ABTB1: variants seen among roughly 807,000 people sequenced by gnomAD.
The protein encoded by ABTB1 is ankyrin repeat and BTB domain containing 1.
In ABTB1, 45 loss-of-function variants were observed where a neutral mutation model predicts 57.1. That is an observed-to-expected ratio of 0.79 (90% CI 0.62 to 1.01). The LOEUF (loss-of-function observed/expected upper bound fraction) is 1.01, where lower values mean the gene tolerates loss of function less well. Among genes scored for constraint, ABTB1 ranks in the 50% least tolerant of loss-of-function variants. ABTB1 has a pLI of 0.00. For synonymous variants in ABTB1, 302 were observed against 275.4 expected, an observed-to-expected ratio of 1.10 and a Z score of -0.95; for missense variants, 630 against 666.3, an observed-to-expected ratio of 0.95 and a Z score of 0.60.
chr3:127,675,890 A>C (rs2074969058), intron 3 of ABTB1, 80 bp from the exon 4 acceptor site: 1 of 1,538,264 alleles, frequency 6.5e-7, no homozygotes, highest in Non-Finnish European at 8.9e-7. Context: ...CATGTGTGGG[A>C]AGGTGGGGAG....
intron 9 of ABTB1, 40 bp from the exon 10 acceptor site, chr3:127,677,636 G>A (rs769924757): frequency 6.8e-6 from 11 of 1,612,638 alleles, no homozygotes; most frequent in Non-Finnish European, 9.3e-6. Flanking sequence ...TCAGGAGACA[G>A]ACCCTGGCCC....
chr3:127,679,826 C>T (rs1479630917), intron 10 of ABTB1, 159 bp from the exon 11 acceptor site: 2 of 644,664 alleles, frequency 3.1e-6, no homozygotes, highest in Non-Finnish European at 2.7e-6. Flanking sequence ...TGGGCCAGCC[C>T]CCCGACCCCC....
Position 127,677,827 on chromosome 3 carries a change from A to G in ABTB1, c.1013A>G (p.Tyr338Cys), listed in dbSNP as rs776204462. The change falls in exon 10 of 12, where the codon TAC (tyrosine) becomes TGC (cysteine). Residue 338 changes from tyrosine to cysteine, a missense_variant. Around this residue, in one of 3 missense-constraint regions of ABTB1, gnomAD observed 579 missense variants for 585.9 expected, o/e 0.99. Transcript: ENST00000232744. ...TTCACTCACGTGCTCTACTACATGT[A>G]CAGCGACCACACTGAGGTGGGGGCT... ...DVFTHVLYYM[Y>C]SDHTELSPEA... 6.2e-7 allele frequency: 1 copy of G among 1,612,128 alleles called. No individual in the cohort carries two copies. Among genetic ancestry groups the G allele is most frequent in the Non-Finnish European group, 8.5e-7 (1 of 1,179,688 alleles).
At chr3:127,674,321 C>T in intron 1 of ABTB1, 70 bp from the exon 2 acceptor site, 4 of 1,556,524 alleles carry the variant, frequency 2.6e-6, no homozygotes, top group Non-Finnish European at 2.6e-6. Context: ...CTCTCCGTTC[C>T]TTTCCACGGG....
chr3:127,676,150 G>C lies in ABTB1; in HGVS notation c.320+36G>C. ...GCACACGAGGGGTGCAGCATGGGGT[G>C]CGGTGGCCCTGGTGGGTGTGGCGAG... On this transcript the variant is annotated intron_variant, in intron 4 of 11. Coordinates refer to ENST00000232744, the MANE Select transcript of ABTB1 (RefSeq NM_172027.3). This position sits in a 1 kb window ranked among gnomAD's most constrained non-coding sequence, Gnocchi z 5.4. 1 of 1,610,010 alleles carries C rather than the reference G, an allele frequency of 6.2e-7. No homozygotes were observed. The highest frequency in any genetic ancestry group is 8.5e-7 in the Non-Finnish European group (1 of 1,177,508).
chr3:127,677,788 T>C lies in ABTB1; in HGVS notation c.974T>C (p.Ile325Thr). Residue 325 changes from isoleucine to threonine, a missense_variant, in exon 10 of 12, where the codon ATC (isoleucine) becomes ACC (threonine). Physicochemically the swap from Ile to Thr is moderately conservative, Grantham distance 89. This residue lies in a region of ABTB1 where 579 missense variants were observed against 585.9 expected (regional missense o/e 0.99). Transcript: ENST00000232744. ...CCCCCAGCCGTCACCCTGCATGGCA[T>C]CTCACCCGACGTCTTCACTCACGTG... Reference protein sequence around the residue: ...GGPPAVTLHGISPDVFTHVLY... With the variant: ...GGPPAVTLHGTSPDVFTHVLY... 6.2e-7 allele frequency: 1 copy of C among 1,612,618 alleles called. No homozygotes were observed. The highest frequency in any genetic ancestry group is 1.3e-5 in the African/African-American group (1 of 75,008).
chr3:127,676,709 C>A lies in ABTB1; in HGVS notation c.526+128C>A. On this transcript the variant is annotated intron_variant, in intron 6 of 11. Coordinates refer to ENST00000232744, the MANE Select transcript of ABTB1 (RefSeq NM_172027.3). The surrounding 1 kb of genome is among the most constrained non-coding windows in gnomAD (Gnocchi z 5.4). ...CATGGTCCCCCCGGGGTGGTTCCAGCTGCCTCTCGGGTTGGGTTGCAAGAG... is the reference window on the plus strand; with the variant it reads ...CATGGTCCCCCCGGGGTGGTTCCAGATGCCTCTCGGGTTGGGTTGCAAGAG... 1 of 1,263,418 alleles carries A rather than the reference C, an allele frequency of 7.9e-7. No homozygotes were observed. Among genetic ancestry groups the A allele is most frequent in the Non-Finnish European group, 1.1e-6 (1 of 896,660 alleles). 78.3% of individuals were successfully genotyped at this position (1,263,418 alleles called of 1,614,324 possible). A position where few individuals can be genotyped will look rare whatever the true frequency, so the allele number is the denominator to read the frequency against.
Position 127,680,479 on chromosome 3 carries a change from C to T in ABTB1, c.*4C>T. The T allele has an allele frequency of 6.3e-7, 1 of 1,598,646 alleles. No individual in the cohort carries two copies. The highest frequency in any genetic ancestry group is 1.1e-5 in the South Asian group (1 of 90,014). On this transcript the variant is annotated 3_prime_UTR_variant, in exon 12 of 12. Transcript: ENST00000232744. Reference sequence around the variant, plus strand: ...GTCCATCGGTCTGGACTGTTGAGCCCCTGGCTGGGCAGCCCCAGGGGCCAG... The same window carrying T: ...GTCCATCGGTCTGGACTGTTGAGCCTCTGGCTGGGCAGCCCCAGGGGCCAG...
chr3:127,677,543 T>G lies in ABTB1; in HGVS notation c.841T>G (p.Cys281Gly). The G allele has an allele frequency of 3.1e-6, 5 of 1,613,972 alleles. No individual in the cohort carries two copies. The highest frequency in any genetic ancestry group is 4.2e-6 in the Non-Finnish European group (5 of 1,180,022). Residue 281 changes from cysteine (C) to glycine (G), a missense_variant, in exon 9 of 12, where the codon TGC becomes GGC. By Grantham distance (159) the Cys-to-Gly change is radical. Around this residue, in one of 3 missense-constraint regions of ABTB1, gnomAD observed 579 missense variants for 585.9 expected, o/e 0.99. Transcript: ENST00000232744. The stretch of plus-strand genomic sequence containing the variant: ...TGACATCTGCTTCCGAGTGGCTGGC[T>G]GCAGCTTCCTCTGCCACAAGGTGCC... ...CPDICFRVAG[C>G]SFLCHKAFFC...
At chr3:127,678,668 T>C (rs2075048647) in intron 10 of ABTB1, 1 of 152,272 alleles carries the variant, frequency 6.6e-6, no homozygotes, top group African/African-American at 2.4e-5. Context: ...GGCCGTAGCT[T>C]ACCCATCCTG....
In ABTB1 at chr3:127,677,816, C is replaced by T; in HGVS notation, c.1002C>T (p.Leu334=). Reference sequence around the variant, plus strand: ...CACCCGACGTCTTCACTCACGTGCTCTACTACATGTACAGCGACCACACTG... The same window carrying T: ...CACCCGACGTCTTCACTCACGTGCTTTACTACATGTACAGCGACCACACTG... The part of the protein sequence containing the change: ...GISPDVFTHV[L]YYMYSDHTEL... The change falls in exon 10 of 12, where the codon CTC becomes CTT. Residue 334 remains leucine (L), a synonymous_variant. Transcript: ENST00000232744. The T allele has an allele frequency of 1.9e-6, 3 of 1,612,576 alleles. No individual in the cohort carries two copies.
intron 1 of ABTB1, 46 bp from the exon 2 acceptor site, chr3:127,674,345 A>G (rs374504962): frequency 1.3e-5 from 20 of 1,579,430 alleles, no homozygotes; most frequent in African/African-American, 1.2e-4. Context: ...TCTTTCTCAG[A>G]CCATGAACCC....
chr3:127,680,067 G>T lies in ABTB1; in HGVS notation c.1112G>T (p.Ser371Ile). ...GGCCTGAAGAGGCTGTGCGGCCGCA[G>T]CCTGGCTCAGATGCTAGACGAGGAC... Reference protein sequence around the residue: ...LPGLKRLCGRSLAQMLDEDTV... With the variant: ...LPGLKRLCGRILAQMLDEDTV... The change falls in exon 11 of 12, where the codon AGC becomes ATC. Residue 371 changes from serine to isoleucine, a missense_variant. Transcript: ENST00000232744. The T allele has an allele frequency of 1.9e-6, 3 of 1,613,848 alleles. No individual in the cohort carries two copies. Among genetic ancestry groups the T allele is most frequent in the Non-Finnish European group, 2.5e-6 (3 of 1,180,030 alleles).
intron 10 of ABTB1, chr3:127,679,558 C>T (rs967309248): frequency 1.5e-5 from 7 of 460,480 alleles, no homozygotes; most frequent in Non-Finnish European, 2.6e-5. Flanking sequence ...TGCCTCTGTC[C>T]CACCATTCTG....
Position 127,680,293 on chromosome 3 carries a change from G to A in ABTB1, c.1255G>A (p.Glu419Lys). The A allele has an allele frequency of 6.2e-7, 1 of 1,613,320 alleles. No homozygotes were observed. The highest frequency in any genetic ancestry group is 8.5e-7 in the Non-Finnish European group (1 of 1,179,784). ...GCTGGTGGAGCGGGAGGACTTCGTG[G>A]AGGCGGTGAAGGAGGAGGCAGCGGC... is the stretch of plus-strand genomic sequence containing the variant. ...EKLVEREDFVEAVKEEAAAVA... is the reference protein window; with the variant it reads ...EKLVEREDFVKAVKEEAAAVA... Residue 419 changes from glutamate to lysine, a missense_variant, in exon 12 of 12, where the codon GAG (glutamate) becomes AAG (lysine). By Grantham distance (56) the Glu-to-Lys change is moderately conservative. Coordinates refer to ENST00000232744, the MANE Select transcript of ABTB1 (RefSeq NM_172027.3).
rs960554076 is a variant in ABTB1 at position 127,680,290 on chromosome 3, G to A, written c.1252G>A (p.Val418Met). 6 of 1,613,136 alleles carry A rather than the reference G, an allele frequency of 3.7e-6. No individual in the cohort carries two copies. Among genetic ancestry groups the A allele is most frequent in the African/African-American group, 2.7e-5 (2 of 74,926 alleles). ...IEKLVEREDF[V>M]EAVKEEAAAV... Reference sequence around the variant, plus strand: ...ATAGCTGGTGGAGCGGGAGGACTTCGTGGAGGCGGTGAAGGAGGAGGCAGC... The same window carrying A: ...ATAGCTGGTGGAGCGGGAGGACTTCATGGAGGCGGTGAAGGAGGAGGCAGC... The change falls in exon 12 of 12, where the codon GTG becomes ATG. Residue 418 changes from valine (V) to methionine (M), a missense_variant. Coordinates refer to ENST00000232744, the MANE Select transcript of ABTB1 (RefSeq NM_172027.3).
chr3:127,679,924 G>C lies in ABTB1; in HGVS notation c.1030-61G>C, dbSNP rs768519168. 6 of 1,565,514 alleles carry C rather than the reference G, an allele frequency of 3.8e-6. No individual in the cohort carries two copies. The East Asian group carries it at 6.7e-5, about 18-fold the overall frequency. ...ACCACCACAGGCCCTAGCCTTGGCT[G>C]TTGTGCCCTGGGAGCCCTTGGTGAC... is the stretch of plus-strand genomic sequence containing the variant. On this transcript the variant is annotated intron_variant, in intron 10 of 11. Coordinates refer to ENST00000232744, the MANE Select transcript of ABTB1 (RefSeq NM_172027.3).
rs1420802263 is a variant in ABTB1 at position 127,674,152 on chromosome 3, G to C, written c.57-239G>C. Reference sequence around the variant, plus strand: ...ACTGGCTCTGGCTTCTGTCCCTGTAGCCCATCGTCCCCCAGCACTGATAGC... The same window carrying C: ...ACTGGCTCTGGCTTCTGTCCCTGTACCCCATCGTCCCCCAGCACTGATAGC... On this transcript the variant is annotated intron_variant, in intron 1 of 11. Coordinates refer to ENST00000232744, the MANE Select transcript of ABTB1 (RefSeq NM_172027.3). The C allele has an allele frequency of 3.2e-5, 18 of 559,562 alleles. No individual in the cohort carries two copies. In the East Asian group the frequency reaches 5.2e-4, roughly 16 times the overall value. 34.7% of individuals were successfully genotyped at this position (559,562 alleles called of 1,614,324 possible). A position where few individuals can be genotyped will look rare whatever the true frequency, so the allele number is the denominator to read the frequency against.
chr3:127,672,961 T>C lies in ABTB1; in HGVS notation c.-65T>C. On this transcript the variant is annotated 5_prime_UTR_variant, in exon 1 of 12. Transcript: ENST00000232744. ...GGGGCGGGGCGGGGCTGAGCGTGTT[T>C]ACATCCGCCGGGTGCGCGGCTTCGC... 6.7e-7 allele frequency: 1 copy of C among 1,499,704 alleles called. No individual in the cohort carries two copies. The highest frequency in any genetic ancestry group is 8.9e-7 in the Non-Finnish European group (1 of 1,118,898). The allele number at this position is 1,499,704 out of a possible 1,614,324, so 92.9% of individuals were successfully genotyped here.
Sources: allele counts gnomAD v4.1 joint callset, GRCh38; gene constraint gnomAD v4.1.1; regional missense constraint gnomAD v4.1.1; non-coding constraint Gnocchi (gnomAD v3.1); transcripts MANE v1.5; gene names NCBI Gene and HGNC (gene_info 2026-07-23, HGNC 2026-07-21).